Variants in DHRS7B observed in about 807,000 individuals in gnomAD.
DHRS7B encodes the protein dehydrogenase/reductase 7B.
A neutral mutation model predicts 26.4 loss-of-function variants in DHRS7B; 24 were observed. That is an observed-to-expected ratio of 0.91 (90% CI 0.66 to 1.28). DHRS7B has a LOEUF of 1.28. Ranked by LOEUF, DHRS7B falls within the 50% of genes most tolerant of loss-of-function variation. The pLI is 0.00. For missense variants in DHRS7B, 368 were observed against 419.4 expected, an observed-to-expected ratio of 0.88 and a Z score of 1.07; for synonymous variants, 142 against 166.4, an observed-to-expected ratio of 0.85 and a Z score of 1.13.
At chr17:21,135,311 T>G (rs1195425753) in intron 1 of DHRS7B, among the ~76,000 whole-genome samples, 1 of 152,194 alleles carries the variant, frequency 6.6e-6, no homozygotes, top group Non-Finnish European at 1.5e-5. Flanking sequence ...CTGTATAATT[T>G]TTGGACCAGA....
rs191151980 is a variant in DHRS7B at position 21,172,213 on chromosome 17, G to C, written c.199+17G>C. 1.4e-4 allele frequency: 220 copies of C among 1,601,252 alleles called. 1 individual carries two copies. The East Asian group carries it at 4.7e-3, about 35-fold the overall frequency. On this transcript the variant is annotated intron_variant, in intron 2 of 6. Transcript: ENST00000395511. ...TGGGCAAAGGTGGGTCCTGGAGGCAGTGCTGCCAGGGGGCGGGGGTAAGTC... is the reference window on the plus strand; with the variant it reads ...TGGGCAAAGGTGGGTCCTGGAGGCACTGCTGCCAGGGGGCGGGGGTAAGTC...
chr17:21,134,197 T>C (rs1973295530), intron 1 of DHRS7B, among the ~76,000 whole-genome samples: 1 of 152,238 alleles, frequency 6.6e-6, no homozygotes, highest in Non-Finnish European at 1.5e-5. Context: ...TCTCTCTGGT[T>C]TCCCAATTTT....
intron 1 of DHRS7B, among the ~76,000 whole-genome samples, chr17:21,147,345 A>C (rs1416044434): frequency 6.6e-6 from 1 of 152,210 alleles, no homozygotes; most frequent in African/African-American, 2.4e-5. Flanking sequence ...ATGGGCTGAC[A>C]AAAAGAGTGG....
chr17:21,134,383 C>T (rs1973299503), intron 1 of DHRS7B, among the ~76,000 whole-genome samples: 1 of 152,172 alleles, frequency 6.6e-6, no homozygotes, highest in South Asian at 2.1e-4. Flanking sequence ...TGATTTGTGT[C>T]ATCAAATACC....
In DHRS7B at chr17:21,188,854, A is replaced by C; in HGVS notation, c.763A>C (p.Arg255=). 6.2e-7 allele frequency: 1 copy of C among 1,614,128 alleles called. No individual in the cohort carries two copies. The highest frequency in any genetic ancestry group is 8.5e-7 in the Non-Finnish European group (1 of 1,180,014). ...SVNAITADGS[R]YGVMDTTTAQ... is the part of the protein sequence containing the mutation. The stretch of plus-strand genomic sequence containing the variant: ...AAATGCCATCACCGCGGATGGATCT[A>C]GGTATGGAGGTGAGGCCCGGTTTCT... The change falls in exon 6 of 7, where the codon AGG becomes CGG. Residue 255 remains arginine, a synonymous_variant. Transcript: ENST00000395511.
At chr17:21,132,009 G>T (rs375936977) in intron 1 of DHRS7B, among the ~76,000 whole-genome samples, 1 of 152,166 alleles carries the variant, frequency 6.6e-6, no homozygotes, top group African/African-American at 2.4e-5. Context: ...ATGTTCAATT[G>T]TTGCTTAGAA....
At chr17:21,178,406 G>C (rs1974434323) in intron 3 of DHRS7B, 64 bp downstream of exon 3, 3 of 1,348,284 alleles carry the variant, frequency 2.2e-6, no homozygotes, top group East Asian at 2.3e-5. Flanking sequence ...GCACTGAGGA[G>C]ATAGTGGCCC....
intron 1 of DHRS7B, among the ~76,000 whole-genome samples, chr17:21,144,236 T>C (rs1264742972): frequency 6.6e-6 from 1 of 152,192 alleles, no homozygotes; most frequent in Non-Finnish European, 1.5e-5. Context: ...CTGTTACCTC[T>C]TTACGTCTTA....
At chr17:21,128,734 G>C (rs1322211525) in intron 1 of DHRS7B, 3 of 152,112 alleles carry the variant, frequency 2.0e-5, no homozygotes. Context: ...GCCGGGCGTG[G>C]TGGTGGGCGC....
At chr17:21,164,204 CT>C (rs1168162949) in intron 1 of DHRS7B, among the ~76,000 whole-genome samples, 1 of 150,956 alleles carries the variant, frequency 6.6e-6, no homozygotes, top group Non-Finnish European at 1.5e-5. Flanking sequence ...ACTTTTTTCA[CT>C]TTTTTTATAC....
chr17:21,151,512 C>CAA (rs34419163), intron 1 of DHRS7B, among the ~76,000 whole-genome samples: 356 of 117,322 alleles, frequency 3.0e-3, no homozygotes, highest in African/African-American at 0.01. Context: ...GACTCTGTCT[C>CAA]AAAAAAAAAA....
At chr17:21,163,231 C>A (rs1374643050) in intron 1 of DHRS7B, among the ~76,000 whole-genome samples, 1 of 151,490 alleles carries the variant, frequency 6.6e-6, no homozygotes, top group African/African-American at 2.4e-5. Flanking sequence ...ACAAAAAACA[C>A]AGGTATAATC....
chr17:21,139,397 C>G (rs533621992), intron 1 of DHRS7B, among the ~76,000 whole-genome samples: 10 of 152,244 alleles, frequency 6.6e-5, no homozygotes, highest in Non-Finnish European at 1.3e-4. Flanking sequence ...TTGATTAGGC[C>G]ACGCATGGTG....
chr17:21,186,769 C>CA, intron 5 of DHRS7B, among the ~76,000 whole-genome samples: 1 of 152,272 alleles, frequency 6.6e-6, no homozygotes, highest in East Asian at 1.9e-4. Context: ...CACCTTTTAC[C>CA]GGGTTGTGAA....
intron 1 of DHRS7B, among the ~76,000 whole-genome samples, chr17:21,171,459 CTG>C (rs2144124586): frequency 6.6e-6 from 1 of 152,344 alleles, no homozygotes; most frequent in Admixed American, 6.5e-5. Context: ...CTTTGGGTGT[CTG>C]TGAGGCCTGT....
At position 21,138,060 on chromosome 17, in the gene DHRS7B, C is replaced by A. The variant is rs1355324184; in HGVS notation, c.20+11069C>A. 4.1e-4 allele frequency among the ~76,000 whole-genome samples: 19 copies of A among 45,868 alleles called. No individual in the cohort carries two copies. The South Asian group carries it at 7.4e-3, about 18-fold the overall frequency. 30.1% of individuals were successfully genotyped at this position (45,868 alleles called of 152,430 possible). A position where few individuals can be genotyped will look rare whatever the true frequency, so the allele number is the denominator to read the frequency against. On this transcript the variant is annotated intron_variant, in intron 1 of 6. Transcript: ENST00000395511. Reference sequence around the variant, plus strand: ...AGTTCTGGGATTACAGGTGCCCGGCCTCTTTTAAAAAAAAAATATATATAT... The same window carrying A: ...AGTTCTGGGATTACAGGTGCCCGGCATCTTTTAAAAAAAAAATATATATAT...
At chr17:21,182,555 C>CT (rs1216439105) in intron 3 of DHRS7B, among the ~76,000 whole-genome samples, 3 of 151,542 alleles carry the variant, frequency 2.0e-5, no homozygotes, top group East Asian at 1.9e-4. Flanking sequence ...GGCCAATTTT[C>CT]TTTTTTTTAA....
chr17:21,176,366 C>T (rs1029463862), intron 2 of DHRS7B, among the ~76,000 whole-genome samples: 3 of 151,964 alleles, frequency 2.0e-5, no homozygotes, highest in African/African-American at 7.2e-5. Context: ...TTTGGGAAGT[C>T]ATGGCAGGAA....
At chr17:21,157,237 C>T (rs1973901988) in intron 1 of DHRS7B, among the ~76,000 whole-genome samples, 3 of 152,134 alleles carry the variant, frequency 2.0e-5, no homozygotes, top group Admixed American at 2.0e-4. Context: ...TACCCTAATA[C>T]CAAAACCAAA....
Sources: allele counts gnomAD v4.1 joint callset (sites outside exome capture counted in the v4.1 genomes callset), GRCh38; gene constraint gnomAD v4.1.1; transcripts MANE v1.5; gene names NCBI Gene and HGNC (gene_info 2026-07-23, HGNC 2026-07-21).